The following ANO4 variants were observed in gnomAD, a reference collection of about 807,000 sequenced individuals.
The protein encoded by ANO4 is anoctamin 4.
ANO4 carries 69 observed loss-of-function variants against 141.9 expected under a neutral mutation model. That is an observed-to-expected ratio of 0.49 (90% CI 0.40 to 0.59). ANO4 has a LOEUF of 0.59. ANO4 is among the 20% of genes least tolerant of loss of function. The pLI is 0.00. For missense variants in ANO4, 894 were observed against 1,162.2 expected, an observed-to-expected ratio of 0.77 and a Z score of 3.36; for synonymous variants, 350 against 394.3, an observed-to-expected ratio of 0.89 and a Z score of 1.33.
At chr12:100,858,191 A>G (rs1026013778) in intron 1 of ANO4, among the ~76,000 whole-genome samples, 3 of 152,186 alleles carry the variant, frequency 2.0e-5, no homozygotes, top group Non-Finnish European at 4.4e-5. Context: ...GAAAGACTGC[A>G]CTTACACAAG....
chr12:100,733,261 C>T (rs1009358191), intron 1 of ANO4, among the ~76,000 whole-genome samples: 6 of 152,172 alleles, frequency 3.9e-5, no homozygotes, highest in South Asian at 2.1e-4. Context: ...TGCTAACCCA[C>T]GAAGCTGCCT....
Position 101,103,470 on chromosome 12 carries a change from T to A in ANO4, c.2149+3750T>A, listed in dbSNP as rs1383009618. On this transcript the variant is annotated intron_variant, in intron 22 of 27. Transcript: ENST00000392977. ...AGTATTACATTATATCATGTCATTT[T>A]TCTGAATCTATTGAAATGATTATGT... Among the ~76,000 whole-genome samples, 7 of 151,694 alleles carry A rather than the reference T, an allele frequency of 4.6e-5. 1 individual carries two copies. In the Middle Eastern group the frequency reaches 0.017, roughly 369 times the overall value.
At chr12:100,792,965 C>T (rs769644274), upstream of ANO4, among the ~76,000 whole-genome samples, 4 of 152,160 alleles carry the variant, frequency 2.6e-5, no homozygotes, top group African/African-American at 4.8e-5. Context: ...TGAATGGCTT[C>T]GGTTATGACA....
At position 101,111,653 on chromosome 12, in the gene ANO4, G is replaced by C. The variant is rs765241694; in HGVS notation, c.2393G>C (p.Arg798Pro). Residue 798 changes from arginine (R) to proline (P), a missense_variant, in exon 24 of 28, where the codon CGC (arginine) becomes CCC (proline). By Grantham distance (103) the Arg-to-Pro change is moderately radical. Around this residue, in one of 2 missense-constraint regions of ANO4, gnomAD observed 637 missense variants for 909.2 expected, o/e 0.70. Coordinates refer to ENST00000392977, the MANE Select transcript of ANO4 (RefSeq NM_001286615.2). Reference protein sequence around the residue: ...VIAITSDFIPRLVYAYKYGPC... With the variant: ...VIAITSDFIPPLVYAYKYGPC... ...GCGATAACATCTGACTTTATCCCTC[G>C]CTTGGTGTATGCTTATAAGTATGGA... 1 of 1,612,888 alleles carries C rather than the reference G, an allele frequency of 6.2e-7. No individual in the cohort carries two copies.
intron 5 of ANO4, among the ~76,000 whole-genome samples, chr12:100,966,064 G>A (rs756877139): frequency 1.3e-5 from 2 of 152,094 alleles, no homozygotes; most frequent in African/African-American, 4.8e-5. Flanking sequence ...GACAGGAATT[G>A]GGTGCTTGGA....
chr12:100,825,103 A>G (rs1440745837), intron 1 of ANO4, among the ~76,000 whole-genome samples: 4 of 152,098 alleles, frequency 2.6e-5, no homozygotes. Flanking sequence ...CTTCACTGGT[A>G]TCAATTAGTA....
At chr12:101,080,576 A>G (rs1356858448) in intron 15 of ANO4, among the ~76,000 whole-genome samples, 3 of 151,926 alleles carry the variant, frequency 2.0e-5, no homozygotes, top group Admixed American at 1.3e-4. Context: ...GGATTTGAGG[A>G]TAGCTTATAG....
chr12:101,109,707 T>G (rs2050589965), intron 22 of ANO4, among the ~76,000 whole-genome samples: 1 of 152,236 alleles, frequency 6.6e-6, no homozygotes, highest in African/African-American at 2.4e-5. Flanking sequence ...CACTTCCCCC[T>G]ACTAATTTTA....
At chr12:100,985,290 CAG>C (rs1340570123) in intron 7 of ANO4, among the ~76,000 whole-genome samples, 3 of 152,124 alleles carry the variant, frequency 2.0e-5, no homozygotes, top group African/African-American at 7.2e-5. Flanking sequence ...AAGCAAAAAA[CAG>C]AAATGTTAAG....
chr12:100,860,821 ATTG>A (rs754249819), intron 1 of ANO4, among the ~76,000 whole-genome samples: 69 of 152,352 alleles, frequency 4.5e-4, no homozygotes, highest in Non-Finnish European at 9.1e-4. Context: ...TGAGAAATGC[ATTG>A]TTAAGTGATT....
At chr12:100,825,915 A>G (rs778728818) in intron 1 of ANO4, among the ~76,000 whole-genome samples, 9 of 152,102 alleles carry the variant, frequency 5.9e-5, no homozygotes, top group Non-Finnish European at 1.0e-4. Flanking sequence ...ATTAATTTTT[A>G]AATAACAAGT....
chr12:101,023,434 G>T (rs1377602738), intron 9 of ANO4, among the ~76,000 whole-genome samples: 2 of 152,186 alleles, frequency 1.3e-5, no homozygotes, highest in Non-Finnish European at 2.9e-5. Context: ...ACTTTGGGAG[G>T]CTGAGGCAGG....
intron 14 of ANO4, among the ~76,000 whole-genome samples, chr12:101,070,304 A>G (rs947804059): frequency 3.3e-5 from 5 of 152,138 alleles, no homozygotes; most frequent in African/African-American, 4.8e-5. Flanking sequence ...GCCAAGTACT[A>G]GCATAAAAAA....
At chr12:101,068,437 T>C (rs1398159386) in intron 14 of ANO4, 1 of 907,058 alleles carries the variant, frequency 1.1e-6, no homozygotes, top group East Asian at 2.4e-5. Context: ...TTAAGAAGAC[T>C]GTGTCCTCCC....
intron 1 of ANO4, among the ~76,000 whole-genome samples, chr12:100,865,218 C>T (rs951747928): frequency 1.2e-4 from 19 of 152,148 alleles, no homozygotes; most frequent in African/African-American, 4.6e-4. Flanking sequence ...CTGTCTTCCA[C>T]AATGGTTGAA....
chr12:100,735,702 T>C (rs2031576814), intron 2 of ANO4, among the ~76,000 whole-genome samples: 1 of 152,080 alleles, frequency 6.6e-6, no homozygotes, highest in Non-Finnish European at 1.5e-5. Flanking sequence ...AAGTGTTCCC[T>C]GAGATTTTGC....
intron 1 of ANO4, among the ~76,000 whole-genome samples, chr12:100,853,797 A>G (rs762907901): frequency 2.6e-5 from 4 of 152,140 alleles, no homozygotes; most frequent in Non-Finnish European, 5.9e-5. Flanking sequence ...TTCCCAAATA[A>G]CGCAAGGATC....
At chr12:101,037,978 C>T (rs1298942566) in intron 10 of ANO4, among the ~76,000 whole-genome samples, 1 of 152,034 alleles carries the variant, frequency 6.6e-6, no homozygotes, top group Admixed American at 6.5e-5. Context: ...AAGACGGTTC[C>T]AACTCTCCGT....
At chr12:100,967,075 G>GA (rs995447752) in intron 5 of ANO4, among the ~76,000 whole-genome samples, 1 of 150,962 alleles carries the variant, frequency 6.6e-6, no homozygotes, top group Non-Finnish European at 1.5e-5. Context: ...CTGAACAAAA[G>GA]AAAAAAAAAT....
Sources: allele counts gnomAD v4.1 joint callset (sites outside exome capture counted in the v4.1 genomes callset), GRCh38; gene constraint gnomAD v4.1.1; regional missense constraint gnomAD v4.1.1; transcripts MANE v1.5; gene names NCBI Gene and HGNC (gene_info 2026-07-23, HGNC 2026-07-21).